Variants in ENTPD1 observed in about 807,000 individuals in gnomAD.
The protein encoded by ENTPD1 is ectonucleoside triphosphate diphosphohydrolase 1, also known as ATP diphosphohydrolase.
Under a neutral mutation model 57.0 loss-of-function variants are expected in ENTPD1, and 33 were observed. The observed-to-expected ratio is 0.58, with a 90% CI of 0.44 to 0.77. ENTPD1 has a LOEUF of 0.77. Among genes scored for constraint, ENTPD1 ranks in the 30% least tolerant of loss-of-function variants. ENTPD1 has a pLI of 0.00. For missense variants in ENTPD1, 501 were observed against 603.4 expected (o/e 0.83, Z 1.78); for synonymous variants, 202 against 218.8 (o/e 0.92, Z 0.68).
At position 95,873,396 on chromosome 10, in the gene ENTPD1, C is replaced by T; in HGVS notation, c.*7013C>T. ...ATCCCTCTCTGCCTTGCCTTGCCCT[C>T]TGCCTTTGGAGACCAGCACCTCATA... On this transcript the variant is annotated 3_prime_UTR_variant, in exon 10 of 10. Coordinates refer to ENST00000371205, the MANE Select transcript of ENTPD1 (RefSeq NM_001776.6). The T allele has an allele frequency of 1.0e-6, 1 of 985,666 alleles. No individual in the cohort carries two copies. Among genetic ancestry groups the T allele is most frequent in the Non-Finnish European group, 1.2e-6 (1 of 830,106 alleles). The allele number at this position is 985,666 out of a possible 1,614,324, so 61.1% of individuals were successfully genotyped here.
At chr10:95,757,982 G>A (rs1484154677) in intron 1 of ENTPD1, among the ~76,000 whole-genome samples, 1 of 121,412 alleles carries the variant, frequency 8.2e-6, no homozygotes, top group East Asian at 2.2e-4. Context: ...TCCAGCCTGG[G>A]CGAGAGTGAG....
At chr10:95,728,854 TTCTC>T (rs1268176301) in intron 1 of ENTPD1, among the ~76,000 whole-genome samples, 1 of 152,204 alleles carries the variant, frequency 6.6e-6, no homozygotes, top group East Asian at 1.9e-4. Context: ...TTATTTCCAT[TTCTC>T]TCAACTGCAA....
rs1037278000 is a variant in ENTPD1 at position 95,874,670 on chromosome 10, T to G, written c.*8287T>G. On this transcript the variant is annotated 3_prime_UTR_variant, in exon 10 of 10. Coordinates refer to ENST00000371205, the MANE Select transcript of ENTPD1 (RefSeq NM_001776.6). ...CTGTGTGGGGGCTCTGCCCCACATT[T>G]CCCTTCCACACTGCCCTAGGAGAGG... Among the ~76,000 whole-genome samples, 1 of 152,164 alleles carries G rather than the reference T, an allele frequency of 6.6e-6. No individual in the cohort carries two copies. The highest frequency in any genetic ancestry group is 1.5e-5 in the Non-Finnish European group (1 of 68,010).
chr10:95,809,441 G>A (rs1239507259), intron 1 of ENTPD1, among the ~76,000 whole-genome samples: 2 of 147,088 alleles, frequency 1.4e-5, no homozygotes, highest in African/African-American at 5.0e-5. Flanking sequence ...TCCCAGACGG[G>A]GCGGCCGGGC....
intron 1 of ENTPD1, among the ~76,000 whole-genome samples, chr10:95,767,558 A>G (rs2098094700): frequency 6.6e-6 from 1 of 152,026 alleles, no homozygotes; most frequent in South Asian, 2.1e-4. Context: ...TTATTTGGAT[A>G]TTAATAATCA....
intron 1 of ENTPD1, among the ~76,000 whole-genome samples, chr10:95,774,320 A>T (rs2098125917): frequency 6.6e-6 from 1 of 152,128 alleles, no homozygotes; most frequent in Non-Finnish European, 1.5e-5. Context: ...GCTGTGCAGA[A>T]GCTCTTTAGT....
At chr10:95,797,995 A>G (rs1322579064) in intron 1 of ENTPD1, among the ~76,000 whole-genome samples, 1 of 152,198 alleles carries the variant, frequency 6.6e-6, no homozygotes, top group Non-Finnish European at 1.5e-5. Context: ...ATATGTAGAT[A>G]AAATGAGATG....
At chr10:95,833,567 C>T (rs2098402472) in intron 2 of ENTPD1, 1 of 151,048 alleles carries the variant, frequency 6.6e-6, no homozygotes, top group Non-Finnish European at 1.5e-5. Context: ...TTTGAAGACA[C>T]ACTGTGTCTG....
the ENTPD1 span, among the ~76,000 whole-genome samples, chr10:95,700,727 T>G: frequency 6.6e-6 from 1 of 151,384 alleles, no homozygotes; most frequent in African/African-American, 2.4e-5. Context: ...ATAAAACAAA[T>G]AAGTCCAAAT....
chr10:95,702,592 T>G, the ENTPD1 span, among the ~76,000 whole-genome samples: 1 of 152,112 alleles, frequency 6.6e-6, no homozygotes, highest in Non-Finnish European at 1.5e-5. Context: ...ATTAGGATAT[T>G]TTGGCTGAAT....
chr10:95,801,464 C>T (rs1237040087), intron 1 of ENTPD1, among the ~76,000 whole-genome samples: 2 of 152,048 alleles, frequency 1.3e-5, no homozygotes, highest in East Asian at 1.9e-4. Context: ...GAATCCTTTC[C>T]CCATTGTTTG....
At chr10:95,847,385 A>G (rs2098437734) in intron 6 of ENTPD1, 61 bp from the exon 7 acceptor site, 3 of 1,603,306 alleles carry the variant, frequency 1.9e-6, no homozygotes, top group Non-Finnish European at 2.6e-6. Context: ...ATTAAGTCAG[A>G]CTGTACCTTT....
the ENTPD1 span, among the ~76,000 whole-genome samples, chr10:95,702,372 G>A: frequency 6.6e-6 from 1 of 151,678 alleles, no homozygotes; most frequent in African/African-American, 2.4e-5. Flanking sequence ...CTCTTAGATT[G>A]GTTTAACAGT....
chr10:95,860,679 A>G, intron 8 of ENTPD1, 97 bp downstream of exon 8: 1 of 1,025,330 alleles, frequency 9.8e-7, no homozygotes, highest in East Asian at 2.6e-5. Context: ...TGCTGGTTTG[A>G]CCAAGATCCA....
chr10:95,747,129 A>T (rs1185684656), intron 1 of ENTPD1, among the ~76,000 whole-genome samples: 1 of 152,218 alleles, frequency 6.6e-6, no homozygotes, highest in Non-Finnish European at 1.5e-5. Context: ...AAGATTTTTG[A>T]AGTATTGCGA....
At chr10:95,864,590 T>G (rs1590212209) in intron 8 of ENTPD1, 134 bp from the exon 9 acceptor site, 1 of 1,219,928 alleles carries the variant, frequency 8.2e-7, no homozygotes, top group East Asian at 2.4e-5. Flanking sequence ...CCCAAAACCC[T>G]CTGGAAGAGG....
rs1215725686 is a variant in ENTPD1, at chr10:95,727,879, A to G, written c.37+15886A>G. ...ATCTAAACAAATCTAGAATTTTTAT[A>G]TGTGGAGTGACAGTTGTACAAACAT... is the stretch of plus-strand genomic sequence containing the variant. On this transcript the variant is annotated intron_variant, in intron 1 of 9. Coordinates refer to the ENTPD1 transcript ENST00000453258. 9.2e-5 allele frequency among the ~76,000 whole-genome samples: 14 copies of G among 152,218 alleles called. 1 individual carries two copies. Among genetic ancestry groups the G allele is most frequent in the Non-Finnish European group, 2.1e-4 (14 of 68,032 alleles).
chr10:95,869,743 G>C lies in ENTPD1; in HGVS notation c.*3360G>C, dbSNP rs918160854. ...GGTCCCTGCAAGAGATGGATGGTAT[G>C]GTACACTCAAACTGGGTAACACAGG... On this transcript the variant is annotated 3_prime_UTR_variant, in exon 10 of 10. Transcript: ENST00000371205. 37 of 883,684 alleles carry C rather than the reference G, an allele frequency of 4.2e-5. No individual in the cohort carries two copies. The highest frequency in any genetic ancestry group is 4.7e-5 in the Non-Finnish European group (35 of 737,482). The allele number at this position is 883,684 out of a possible 1,614,324, so 54.7% of individuals were successfully genotyped here.
intron 8 of ENTPD1, among the ~76,000 whole-genome samples, chr10:95,863,429 G>A (rs2098468737): frequency 6.6e-6 from 1 of 152,220 alleles, no homozygotes; most frequent in South Asian, 2.1e-4. Flanking sequence ...TGCAGTGACT[G>A]AAAGGAAGGG....
Sources: gnomAD v4.1 joint callset for allele counts (sites outside exome capture counted in the v4.1 genomes callset) on GRCh38, gnomAD v4.1.1 for gene constraint, MANE v1.5 for transcripts, NCBI Gene and HGNC (gene_info 2026-07-23, HGNC 2026-07-21) for gene names.